The following ASS1 variants were observed in gnomAD, a reference collection of about 807,000 sequenced individuals.
ASS1 encodes argininosuccinate synthase.
In ASS1, 58 loss-of-function variants were observed where a neutral mutation model predicts 60.5. The observed-to-expected ratio is 0.96, with a 90% CI of 0.78 to 1.19. ASS1 has a LOEUF of 1.19. ASS1 is among the 50% of genes most tolerant of loss of function. ASS1 has a pLI of 0.00. For missense variants in ASS1, 454 were observed against 547.3 expected (o/e 0.83, Z 1.70); for synonymous variants, 200 against 206.9 (o/e 0.97, Z 0.29).
rs1588507855 is a variant in ASS1, at chr9:130,494,364, G to C, written c.971-503G>C. The stretch of plus-strand genomic sequence containing the variant: ...CCACTCAACAGATGGGGAAACAGAG[G>C]CACAGAGAGGGGAAGGCTATGCATG... On this transcript the variant is annotated intron_variant, in intron 12 of 14. Coordinates refer to ENST00000352480, the MANE Select transcript of ASS1 (RefSeq NM_054012.4). The surrounding 1 kb of genome is among the most constrained non-coding windows in gnomAD (Gnocchi z 4.3). 2.0e-5 allele frequency among the ~76,000 whole-genome samples: 3 copies of C among 152,202 alleles called. No individual in the cohort carries two copies. Among genetic ancestry groups the C allele is most frequent in the Admixed American group, 6.5e-5 (1 of 15,282 alleles).
Position 130,478,793 on chromosome 9 carries a change from C to T in ASS1, c.689-923C>T, listed in dbSNP as rs1308957698. On this transcript the variant is annotated intron_variant, in intron 9 of 14. Coordinates refer to ENST00000352480, the MANE Select transcript of ASS1 (RefSeq NM_054012.4). This position sits in a 1 kb window ranked among gnomAD's most constrained non-coding sequence, Gnocchi z 4.7. ...ACTTACATTTAATAGCAATTTACAACCAAGTTATAAAACCCCTGGAAATGG... is the reference window on the plus strand; with the variant it reads ...ACTTACATTTAATAGCAATTTACAATCAAGTTATAAAACCCCTGGAAATGG... Among the ~76,000 whole-genome samples, 1 of 152,072 alleles carries T rather than the reference C, an allele frequency of 6.6e-6. No individual in the cohort carries two copies. Among genetic ancestry groups the T allele is most frequent in the East Asian group, 1.9e-4 (1 of 5,160 alleles).
At chr9:130,471,899 G>C (rs746476116) in intron 8 of ASS1, among the ~76,000 whole-genome samples, 2 of 151,140 alleles carry the variant, frequency 1.3e-5, no homozygotes, top group Non-Finnish European at 2.9e-5. Context: ...AGTTTTGGTT[G>C]TGGGGGGTGG....
At chr9:130,497,593 C>A (rs1846636691) in intron 13 of ASS1, among the ~76,000 whole-genome samples, 2 of 152,236 alleles carry the variant, frequency 1.3e-5, no homozygotes, top group African/African-American at 4.8e-5. Context: ...AGAAACCCCT[C>A]TTGGAACTCC....
At chr9:130,451,869 T>C (rs765300380) in intron 1 of ASS1, 1 of 488,088 alleles carries the variant, frequency 2.0e-6, no homozygotes, top group East Asian at 5.9e-5. Context: ...CCACATCTCC[T>C]GCCTGCGTGC....
intron 4 of ASS1, 73 bp downstream of exon 4, chr9:130,458,662 C>T (rs569897951): frequency 2.3e-5 from 35 of 1,551,798 alleles, no homozygotes; most frequent in African/African-American, 2.2e-4. Flanking sequence ...GAGCACCCCT[C>T]GAGCGGTTTC....
At chr9:130,445,204 T>C in intron 1 of ASS1, 5 of 985,204 alleles carry the variant, frequency 5.1e-6, no homozygotes, top group Non-Finnish European at 6.0e-6. Context: ...TCCAGGTTTC[T>C]GGAGCGTGGG....
chr9:130,482,625 T>C (rs1182968252), intron 11 of ASS1, among the ~76,000 whole-genome samples: 1 of 151,692 alleles, frequency 6.6e-6, no homozygotes, highest in Non-Finnish European at 1.5e-5. Context: ...CTGAAGGAGG[T>C]GGTTAGTGAT....
intron 11 of ASS1, 65 bp downstream of exon 11, chr9:130,480,514 C>G: frequency 6.4e-7 from 1 of 1,566,646 alleles, no homozygotes. Flanking sequence ...ATCCCTGAGA[C>G]CCTGTCCCCT....
chr9:130,445,251 TCCC>T, intron 1 of ASS1: 1 of 176,630 alleles, frequency 5.7e-6, no homozygotes, highest in Non-Finnish European at 7.6e-6. Flanking sequence ...GGGGCGCGAG[TCCC>T]CGGGTCCGAA....
intron 8 of ASS1, among the ~76,000 whole-genome samples, chr9:130,471,906 G>A (rs1457920947): frequency 1.3e-5 from 2 of 152,308 alleles, no homozygotes; most frequent in African/African-American, 2.4e-5. Flanking sequence ...GTTGTGGGGG[G>A]TGGGGGGAGG....
rs570985793 is a variant in ASS1, at chr9:130,454,923, A to C, written c.174+550A>C. The stretch of plus-strand genomic sequence containing the variant: ...CCACTCATCCACCCATCCATTATCC[A>C]TCCATCCATTCATCCATCCATCCAT... On this transcript the variant is annotated intron_variant, in intron 3 of 14. Transcript: ENST00000352480. Among the ~76,000 whole-genome samples, 9 of 148,648 alleles carry C rather than the reference A, an allele frequency of 6.1e-5. No homozygotes were observed. The South Asian group carries it at 1.9e-3, about 32-fold the overall frequency.
Position 130,470,964 on chromosome 9 carries a change from G to C in ASS1, c.566+60G>C. 1 of 1,575,098 alleles carries C rather than the reference G, an allele frequency of 6.3e-7. No homozygotes were observed. The highest frequency in any genetic ancestry group is 8.7e-7 in the Non-Finnish European group (1 of 1,145,952). On this transcript the variant is annotated intron_variant, in intron 7 of 14. Transcript: ENST00000352480. This position sits in a 1 kb window ranked among gnomAD's most constrained non-coding sequence, Gnocchi z 4.3. Reference sequence around the variant, plus strand: ...CGGGCTCATTCCAAAGGACGGCCACGCGCTGCCCCAGGACGTCCTGGTGAC... The same window carrying C: ...CGGGCTCATTCCAAAGGACGGCCACCCGCTGCCCCAGGACGTCCTGGTGAC...
Position 130,489,606 on chromosome 9 carries a change from A to C in ASS1, c.970+142A>C. The C allele has an allele frequency of 7.1e-6, 10 of 1,407,144 alleles. No individual in the cohort carries two copies. The highest frequency in any genetic ancestry group is 8.0e-6 in the Non-Finnish European group (8 of 1,005,568). 87.2% of individuals were successfully genotyped at this position (1,407,144 alleles called of 1,614,324 possible). On this transcript the variant is annotated intron_variant, in intron 12 of 14. Coordinates refer to ENST00000352480, the MANE Select transcript of ASS1 (RefSeq NM_054012.4). This position sits in a 1 kb window ranked among gnomAD's most constrained non-coding sequence, Gnocchi z 4.1. ...ACTGCCATCCTCATGTGAGACCCCA[A>C]AAGGTGCAGGCCAAAGGGGGTTGAG...
intron 11 of ASS1, among the ~76,000 whole-genome samples, chr9:130,487,810 G>T (rs868465658): frequency 4.0e-5 from 6 of 151,886 alleles, no homozygotes; most frequent in Non-Finnish European, 7.4e-5. Flanking sequence ...GAGTGCAGTG[G>T]TGTGAAATCA....
intron 3 of ASS1, among the ~76,000 whole-genome samples, chr9:130,455,481 C>T (rs1205473921): frequency 6.6e-6 from 1 of 152,250 alleles, no homozygotes; most frequent in Non-Finnish European, 1.5e-5. Flanking sequence ...CATCCATCAT[C>T]CATCCTTCTG....
rs1459809936 is a variant in ASS1, at chr9:130,488,780, T to A, written c.839-553T>A. Among the ~76,000 whole-genome samples the A allele has an allele frequency of 6.6e-6, 1 of 152,084 alleles. No homozygotes were observed. The highest frequency in any genetic ancestry group is 1.9e-4 in the East Asian group (1 of 5,172). On this transcript the variant is annotated intron_variant, in intron 11 of 14. Coordinates refer to ENST00000352480, the MANE Select transcript of ASS1 (RefSeq NM_054012.4). The surrounding 1 kb of genome is among the most constrained non-coding windows in gnomAD (Gnocchi z 5.2). ...GTCCCTTCTCCTCTTGAGCTCAGTT[T>A]CCCCATCTGCACGGTGCGGTCAGCC...
chr9:130,474,516 C>T (rs1367424749), intron 8 of ASS1, among the ~76,000 whole-genome samples: 1 of 152,170 alleles, frequency 6.6e-6, no homozygotes, highest in Admixed American at 6.5e-5. Flanking sequence ...GGCCCTCGTA[C>T]CGGCACCCTG....
chr9:130,476,512 C>A lies in ASS1; in HGVS notation c.598-359C>A. On this transcript the variant is annotated intron_variant, in intron 8 of 14. Transcript: ENST00000352480. This position sits in a 1 kb window ranked among gnomAD's most constrained non-coding sequence, Gnocchi z 4.9. ...AACCCCAATCCCGAGCCGGCGAGAG[C>A]GTGCGTGCCGCTCCTGGGAAGCCCT... 1 of 421,892 alleles carries A rather than the reference C, an allele frequency of 2.4e-6. No individual in the cohort carries two copies. The highest frequency in any genetic ancestry group is 2.2e-5 in the South Asian group (1 of 44,460). The allele number at this position is 421,892 out of a possible 1,614,324, so 26.1% of individuals were successfully genotyped here.
At chr9:130,479,107 C>A (rs991325458) in intron 9 of ASS1, among the ~76,000 whole-genome samples, 4 of 151,974 alleles carry the variant, frequency 2.6e-5, no homozygotes, top group Non-Finnish European at 5.9e-5. Context: ...CCACTGCCCC[C>A]ACCCAACCCC....
Sources: allele counts gnomAD v4.1 joint callset (sites outside exome capture counted in the v4.1 genomes callset), GRCh38; gene constraint gnomAD v4.1.1; non-coding constraint Gnocchi (gnomAD v3.1); transcripts MANE v1.5; gene names NCBI Gene and HGNC (gene_info 2026-07-23, HGNC 2026-07-21).